TLL2: variants seen among roughly 807,000 people sequenced by gnomAD.
TLL2 encodes tolloid like 2.
TLL2 carries 106 observed loss-of-function variants against 123.0 expected under a neutral mutation model. The ratio of observed to expected loss-of-function variants is 0.86; its 90% confidence interval spans 0.74 to 1.01. The LOEUF (loss-of-function observed/expected upper bound fraction) is 1.01. TLL2 is among the 50% of genes least tolerant of loss of function. The pLI is 0.00. For synonymous variants in TLL2, 494 were observed against 516.8 expected, an observed-to-expected ratio of 0.96 and a Z score of 0.60; for missense variants, 1,332 against 1,336.7, an observed-to-expected ratio of 1.00 and a Z score of 0.06.
chr10:96,404,366 T>G (rs889651629), intron 10 of TLL2, among the ~76,000 whole-genome samples: 1 of 152,194 alleles, frequency 6.6e-6, no homozygotes, highest in Non-Finnish European at 1.5e-5. Flanking sequence ...CATGCCCTGT[T>G]CATCTCACCA....
At chr10:96,457,656 G>A (rs1266020663) in intron 2 of TLL2, among the ~76,000 whole-genome samples, 2 of 152,170 alleles carry the variant, frequency 1.3e-5, no homozygotes, top group Non-Finnish European at 2.9e-5. Context: ...AAGCAGGAAG[G>A]AGTCGGGTAT....
chr10:96,501,766 T>A (rs1332647980), intron 1 of TLL2, among the ~76,000 whole-genome samples: 1 of 152,218 alleles, frequency 6.6e-6, no homozygotes, highest in Non-Finnish European at 1.5e-5. Context: ...ACCAACTCCC[T>A]CACCAGGAAG....
chr10:96,376,595 C>T (rs927076501), intron 18 of TLL2, 97 bp downstream of exon 18: 4 of 1,357,136 alleles, frequency 2.9e-6, no homozygotes, highest in Admixed American at 2.3e-5. Context: ...GAGTAACTTC[C>T]AAGTTACAGA....
At chr10:96,430,929 T>C (rs953745541) in intron 4 of TLL2, among the ~76,000 whole-genome samples, 1 of 152,056 alleles carries the variant, frequency 6.6e-6, no homozygotes, top group African/African-American at 2.4e-5. Flanking sequence ...CAACAAAAAA[T>C]AGAATAACTT....
intron 7 of TLL2, among the ~76,000 whole-genome samples, chr10:96,419,632 C>G (rs1166405888): frequency 6.6e-6 from 1 of 152,192 alleles, no homozygotes; most frequent in African/African-American, 2.4e-5. Context: ...TGTCTAGGTG[C>G]AGGATAGAGA....
intron 2 of TLL2, among the ~76,000 whole-genome samples, chr10:96,475,970 C>T (rs1202387291): frequency 6.6e-6 from 1 of 151,968 alleles, no homozygotes; most frequent in African/African-American, 2.4e-5. Flanking sequence ...ATGTGACTTG[C>T]TCCTCCTTGC....
At position 96,486,652 on chromosome 10, in the gene TLL2, T is replaced by A. The variant is rs543446350; in HGVS notation, c.176-6193A>T. 4.6e-5 allele frequency among the ~76,000 whole-genome samples: 7 copies of A among 152,358 alleles called. No homozygotes were observed. In the South Asian group the frequency reaches 1.4e-3, roughly 32 times the overall value. ...AGGAAGGGCCACGTGCCCAGCATCC[T>A]CCTGCTGTCTTAGTATAGAATCCCA... On this transcript the variant is annotated intron_variant, in intron 1 of 20. Transcript: ENST00000357947.
chr10:96,495,759 G>T (rs895402956), intron 1 of TLL2, among the ~76,000 whole-genome samples: 1 of 152,124 alleles, frequency 6.6e-6, no homozygotes, highest in African/African-American at 2.4e-5. Flanking sequence ...TTTTGGTTGA[G>T]ATTAAAGGGT....
intron 10 of TLL2, among the ~76,000 whole-genome samples, chr10:96,402,421 T>C (rs1394522852): frequency 1.3e-5 from 2 of 152,210 alleles, no homozygotes; most frequent in East Asian, 3.8e-4. Flanking sequence ...TCTGTATTCA[T>C]AGAAATCTTC....
chr10:96,488,480 C>T (rs1847378492), intron 1 of TLL2, among the ~76,000 whole-genome samples: 1 of 152,226 alleles, frequency 6.6e-6, no homozygotes. Context: ...AGACTCTTCC[C>T]TTGTGTTCTA....
At chr10:96,506,271 A>AAG (rs1847578700) in intron 1 of TLL2, among the ~76,000 whole-genome samples, 1 of 150,126 alleles carries the variant, frequency 6.7e-6, no homozygotes, top group Non-Finnish European at 1.5e-5. Context: ...AAAAAGAAAA[A>AAG]AAAAAAAGAA....
chr10:96,513,445 T>G (rs1219699311), intron 1 of TLL2, 66 bp downstream of exon 1: 12 of 1,599,406 alleles, frequency 7.5e-6, no homozygotes, highest in Non-Finnish European at 1.0e-5. Context: ...AGTGCAGGCT[T>G]GCCCACCACC....
chr10:96,370,373 C>T, intron 19 of TLL2, 58 bp from the exon 20 acceptor site: 23 of 1,495,922 alleles, frequency 1.5e-5, no homozygotes, highest in Non-Finnish European at 1.9e-5. Flanking sequence ...TGCCTCCCGC[C>T]TGCGTCTGCT....
rs56011735 is a variant in TLL2, at chr10:96,411,257, C to CAA, written c.1049-785_1049-784dup. Reference sequence around the variant, plus strand: ...TGGGTGACAGAGTGAGACTCTGTCTCAAAAAAAAAAAAAAAAAAAAAAAAA... The same window carrying CAA: ...TGGGTGACAGAGTGAGACTCTGTCTCAAAAAAAAAAAAAAAAAAAAAAAAAAA... On this transcript the variant is annotated intron_variant, in intron 8 of 20. Transcript: ENST00000357947. 7.1e-4 allele frequency among the ~76,000 whole-genome samples: 68 copies of CAA among 95,150 alleles called. 3 individuals carry two copies. Among genetic ancestry groups the CAA allele is most frequent in the South Asian group, 1.0e-3 (3 of 2,948 alleles). The allele number at this position is 95,150 out of a possible 152,430, so 62.4% of individuals were successfully genotyped here.
chr10:96,379,251 C>T (rs1846165414), intron 16 of TLL2, among the ~76,000 whole-genome samples, 159 bp from the exon 17 acceptor site: 1 of 152,146 alleles, frequency 6.6e-6, no homozygotes, highest in Non-Finnish European at 1.5e-5. Context: ...AAGTGGGAAG[C>T]ATCTTCACCT....
At chr10:96,403,768 C>T (rs1031487977) in intron 10 of TLL2, among the ~76,000 whole-genome samples, 4 of 125,966 alleles carry the variant, frequency 3.2e-5, no homozygotes, top group African/African-American at 7.6e-5. Context: ...TGTCCCCTGC[C>T]TGCCCCTGGG....
intron 2 of TLL2, among the ~76,000 whole-genome samples, chr10:96,455,408 G>C (rs1847002733): frequency 6.6e-6 from 1 of 152,172 alleles, no homozygotes. Flanking sequence ...TCAAATAGGG[G>C]ATGGGTAAAA....
At chr10:96,377,193 T>G (rs1358061748) in intron 17 of TLL2, among the ~76,000 whole-genome samples, 1 of 152,200 alleles carries the variant, frequency 6.6e-6, no homozygotes, top group Admixed American at 6.5e-5. Context: ...TGTCCTTATT[T>G]GTAAAAGGGT....
chr10:96,449,867 A>T (rs1846938153), intron 2 of TLL2, among the ~76,000 whole-genome samples: 1 of 151,904 alleles, frequency 6.6e-6, no homozygotes, highest in African/African-American at 2.4e-5. Flanking sequence ...TCAAGTCTCC[A>T]TGTAGACACC....
Sources: gnomAD v4.1 joint callset for allele counts (sites outside exome capture counted in the v4.1 genomes callset) on GRCh38, gnomAD v4.1.1 for gene constraint, MANE v1.5 for transcripts, NCBI Gene and HGNC (gene_info 2026-07-23, HGNC 2026-07-21) for gene names.